Variants in INTS8 observed in about 807,000 individuals in gnomAD.
INTS8 encodes the protein protein kaonashi-1.
Under a neutral mutation model 138.9 loss-of-function variants are expected in INTS8, and 47 were observed. That is an observed-to-expected ratio of 0.34 (90% CI 0.27 to 0.43). The LOEUF (loss-of-function observed/expected upper bound fraction) is 0.43. Among genes scored for constraint, INTS8 ranks in the 20% least tolerant of loss-of-function variants. The pLI is 1.00. For missense variants in INTS8, 996 were observed against 1,173.0 expected (o/e 0.85, Z 2.20); for synonymous variants, 392 against 400.9 (o/e 0.98, Z 0.27).
intron 5 of INTS8, among the ~76,000 whole-genome samples, chr8:94,829,716 A>G (rs1027264091): frequency 1.3e-5 from 2 of 152,200 alleles, no homozygotes; most frequent in Non-Finnish European, 2.9e-5. Flanking sequence ...AATATTCTAA[A>G]TCACACATAG....
intron 10 of INTS8, among the ~76,000 whole-genome samples, chr8:94,844,383 T>G (rs996850192): frequency 6.7e-6 from 1 of 148,330 alleles, no homozygotes; most frequent in African/African-American, 2.5e-5. Flanking sequence ...GTGGTACAAT[T>G]TCAGCTCACT....
At chr8:94,848,609 A>G (rs938877287) in intron 10 of INTS8, among the ~76,000 whole-genome samples, 21 of 152,212 alleles carry the variant, frequency 1.4e-4, no homozygotes, top group African/African-American at 4.8e-4. Flanking sequence ...CTGGCTTCTT[A>G]GCACGTTTTC....
chr8:94,843,479 A>G (rs1815213337), intron 10 of INTS8, among the ~76,000 whole-genome samples: 1 of 152,150 alleles, frequency 6.6e-6, no homozygotes, highest in Non-Finnish European at 1.5e-5. Context: ...AGGCAGGAGA[A>G]TCGCTTGAAA....
In INTS8 at chr8:94,856,924, C is replaced by G. The variant is rs1815769177; in HGVS notation, c.1900C>G (p.Pro634Ala). Residue 634 changes from proline (P) to alanine (A), a missense_variant, in exon 15 of 27, where the codon CCG (proline) becomes GCG (alanine). Coordinates refer to ENST00000523731, the MANE Select transcript of INTS8 (RefSeq NM_017864.4). ...TGGGACAGGGCAGGCAGGAGAGAGA[C>G]CGCCATCCGACCTTATAAGTAGAGT... is the stretch of plus-strand genomic sequence containing the variant. ...EAGTGQAGER[P>A]PSDLISRVRG... 6.2e-7 allele frequency: 1 copy of G among 1,614,066 alleles called. No individual in the cohort carries two copies. The highest frequency in any genetic ancestry group is 8.5e-7 in the Non-Finnish European group (1 of 1,180,018).
In INTS8 at chr8:94,828,957, CA is replaced by C; in HGVS notation, c.519-16del. The C allele has an allele frequency of 6.4e-7, 1 of 1,554,116 alleles. No individual in the cohort carries two copies. Among genetic ancestry groups the C allele is most frequent in the Non-Finnish European group, 8.8e-7 (1 of 1,131,846 alleles). ...GAGTAACTTTTGATACTTTTGTTTT[CA>C]ATTGTTTCTCTTTTAGTATGAATCA... On this transcript the variant is annotated splice_polypyrimidine_tract_variant and intron_variant, in intron 4 of 26. Transcript: ENST00000523731.
intron 5 of INTS8, among the ~76,000 whole-genome samples, chr8:94,830,834 G>A (rs1563641651): frequency 1.3e-5 from 2 of 152,214 alleles, no homozygotes; most frequent in Non-Finnish European, 2.9e-5. Flanking sequence ...GTCTTGCTCT[G>A]TTGCCCAGGC....
At chr8:94,836,431 C>A in intron 6 of INTS8, 93 bp from the exon 7 acceptor site, 1 of 901,626 alleles carries the variant, frequency 1.1e-6, no homozygotes, top group Non-Finnish European at 1.7e-6. Context: ...GTCTTTTTTT[C>A]TGTGTTTTCG....
intron 12 of INTS8, among the ~76,000 whole-genome samples, chr8:94,850,403 C>G (rs551036152): frequency 6.5e-4 from 99 of 152,196 alleles, no homozygotes; most frequent in Admixed American, 2.2e-3. Context: ...ACGAGGTCAG[C>G]AGATAGAGAC....
At position 94,856,914 on chromosome 8, in the gene INTS8, A is replaced by G. The variant is rs1238535797; in HGVS notation, c.1890A>G (p.Ala630=). ...CACACGAAGCTGGGACAGGGCAGGC[A>G]GGAGAGAGACCGCCATCCGACCTTA... ...IHTHEAGTGQ[A]GERPPSDLIS... Residue 630 remains alanine, a synonymous_variant, in exon 15 of 27, where the codon GCA becomes GCG. Coordinates refer to ENST00000523731, the MANE Select transcript of INTS8 (RefSeq NM_017864.4). 4.3e-6 allele frequency: 7 copies of G among 1,614,180 alleles called. No homozygotes were observed. Among genetic ancestry groups the G allele is most frequent in the Non-Finnish European group, 5.9e-6 (7 of 1,180,030 alleles).
chr8:94,834,505 C>A (rs977683368), intron 6 of INTS8, among the ~76,000 whole-genome samples: 1 of 151,824 alleles, frequency 6.6e-6, no homozygotes, highest in Non-Finnish European at 1.5e-5. Context: ...GTCAGAAGTT[C>A]TAGACCAGCC....
chr8:94,880,776 T>A lies in INTS8; in HGVS notation c.*542T>A, dbSNP rs947717752. 1 of 397,722 alleles carries A rather than the reference T, an allele frequency of 2.5e-6. No individual in the cohort carries two copies. The highest frequency in any genetic ancestry group is 4.4e-6 in the Non-Finnish European group (1 of 225,398). The allele number at this position is 397,722 out of a possible 1,614,324, so 24.6% of individuals were successfully genotyped here. On this transcript the variant is annotated 3_prime_UTR_variant, in exon 27 of 27. Coordinates refer to ENST00000523731, the MANE Select transcript of INTS8 (RefSeq NM_017864.4). Reference sequence around the variant, plus strand: ...AGTCACACTAAATTAAAAAAAAAAATTCCTTAGGGATATCTTAGAGTAGTA... The same window carrying A: ...AGTCACACTAAATTAAAAAAAAAAAATCCTTAGGGATATCTTAGAGTAGTA...
chr8:94,838,786 T>G lies in INTS8; in HGVS notation c.1017+168T>G, dbSNP rs538179302. Among the ~76,000 whole-genome samples, 147 of 152,358 alleles carry G rather than the reference T, an allele frequency of 9.6e-4. 1 individual carries two copies. Among genetic ancestry groups the G allele is most frequent in the African/African-American group, 3.4e-3 (143 of 41,594 alleles). ...ATTATCCCATTTCCTAAGATTCTTA[T>G]GAGAATCTAGTGAGAAGTTATAGTG... On this transcript the variant is annotated intron_variant, in intron 8 of 26. Coordinates refer to ENST00000523731, the MANE Select transcript of INTS8 (RefSeq NM_017864.4).
Position 94,836,594 on chromosome 8 carries a change from G to C in INTS8, c.824G>C (p.Arg275Thr). 6.2e-7 allele frequency: 1 copy of C among 1,613,748 alleles called. No homozygotes were observed. Among genetic ancestry groups the C allele is most frequent in the Non-Finnish European group, 8.5e-7 (1 of 1,179,826 alleles). Residue 275 changes from arginine (R) to threonine (T), a missense_variant, in exon 7 of 27, where the codon AGG becomes ACG. By Grantham distance (71) the Arg-to-Thr change is moderately conservative. Coordinates refer to ENST00000523731, the MANE Select transcript of INTS8 (RefSeq NM_017864.4). ...AATTCAGCTGTCTATGAAAATGCCA[G>C]GGAAAAATTTTTTAGAACCAAAGAA... ...STNSAVYENAREKFFRTKELI... is the reference protein window; with the variant it reads ...STNSAVYENATEKFFRTKELI...
chr8:94,834,124 T>A (rs1393599171), intron 6 of INTS8, among the ~76,000 whole-genome samples: 1 of 152,152 alleles, frequency 6.6e-6, no homozygotes, highest in Non-Finnish European at 1.5e-5. Context: ...AAAAGAAAAA[T>A]TGTTATTTTT....
At chr8:94,827,834 TTG>T in intron 4 of INTS8, 41 bp downstream of exon 4, 1 of 1,485,944 alleles carries the variant, frequency 6.7e-7, no homozygotes, top group Non-Finnish European at 9.4e-7. Context: ...ACTTTTTTCA[TTG>T]GAGTTTTAAA....
At chr8:94,867,596 T>C (rs1816229846) in intron 20 of INTS8, 2 of 307,948 alleles carry the variant, frequency 6.5e-6, no homozygotes, top group Admixed American at 1.0e-4. Context: ...CAATCTCTGC[T>C]CACTGCAATC....
intron 4 of INTS8, among the ~76,000 whole-genome samples, chr8:94,828,282 C>T (rs1269471663): frequency 2.0e-5 from 3 of 152,092 alleles, no homozygotes; most frequent in Non-Finnish European, 2.9e-5. Context: ...CTCAGGTGAT[C>T]CACCCGCCTT....
At position 94,870,142 on chromosome 8, in the gene INTS8, C is replaced by T. The variant is rs184818455; in HGVS notation, c.2415-1742C>T. On this transcript the variant is annotated intron_variant, in intron 20 of 26. Coordinates refer to ENST00000523731, the MANE Select transcript of INTS8 (RefSeq NM_017864.4). ...TCTTGGCTCACTGCAAGCTCTGCCT[C>T]CCGGGTTCACGCCATTCTCCTGCCT... Among the ~76,000 whole-genome samples, 1,034 of 151,976 alleles carry T rather than the reference C, an allele frequency of 6.8e-3. 4 individuals are homozygous for T. Among genetic ancestry groups the T allele is most frequent in the African/African-American group, 0.024 (985 of 41,430 alleles).
intron 7 of INTS8, among the ~76,000 whole-genome samples, chr8:94,837,276 T>A (rs1028935732): frequency 6.6e-6 from 1 of 152,204 alleles, no homozygotes; most frequent in Non-Finnish European, 1.5e-5. Context: ...ATTTTTACTG[T>A]GTTTATCATT....
Sources: gnomAD v4.1 joint callset for allele counts (sites outside exome capture counted in the v4.1 genomes callset) on GRCh38, gnomAD v4.1.1 for gene constraint, MANE v1.5 for transcripts, NCBI Gene and HGNC (gene_info 2026-07-23, HGNC 2026-07-21) for gene names.